The following NFIA variants were observed in gnomAD, a reference collection of about 807,000 sequenced individuals.
NFIA encodes nuclear factor I A, also known as nuclear factor 1 A-type.
A neutral mutation model predicts 62.8 loss-of-function variants in NFIA; 8 were observed. That is an observed-to-expected ratio of 0.13 (90% confidence interval 0.07 to 0.23). The LOEUF (loss-of-function observed/expected upper bound fraction) is 0.23. Among genes scored for constraint, NFIA ranks in the 10% least tolerant of loss-of-function variants. The pLI, the probability that NFIA is intolerant of heterozygous loss-of-function variation, is 1.00. For missense variants in NFIA, 410 were observed against 642.1 expected, an observed-to-expected ratio of 0.64 and a Z score of 3.91; for synonymous variants, 235 against 238.1, an observed-to-expected ratio of 0.99 and a Z score of 0.12.
intron 2 of NFIA, among the ~76,000 whole-genome samples, chr1:61,263,832 A>C (rs796712361): frequency 1.3e-5 from 2 of 152,230 alleles, no homozygotes; most frequent in African/African-American, 4.8e-5. Context: ...TCTACTAAAA[A>C]TACAAAAATT....
intron 3 of NFIA, among the ~76,000 whole-genome samples, chr1:61,311,351 A>G (rs969187836): frequency 6.6e-6 from 1 of 152,116 alleles, no homozygotes; most frequent in Non-Finnish European, 1.5e-5. Flanking sequence ...AGATCGCGAC[A>G]TTGCACTCCA....
At chr1:61,290,695 G>A (rs1256870096) in intron 3 of NFIA, among the ~76,000 whole-genome samples, 4 of 152,198 alleles carry the variant, frequency 2.6e-5, no homozygotes, top group Non-Finnish European at 5.9e-5. Context: ...AGTGCAGAAC[G>A]TCTATGTCCT....
At chr1:61,082,161 G>A (rs1646106181), upstream of NFIA, 3 of 469,524 alleles carry the variant, frequency 6.4e-6, no homozygotes, top group Admixed American at 4.0e-5. Context: ...GACTGTAACT[G>A]CTCCTCACTG....
intron 2 of NFIA, among the ~76,000 whole-genome samples, chr1:61,165,204 T>A (rs558335476): frequency 1.3e-5 from 2 of 152,178 alleles, no homozygotes; most frequent in Non-Finnish European, 2.9e-5. Context: ...CTCTATTTTT[T>A]AAAAATGATG....
At chr1:61,215,554 C>T (rs1653560382) in intron 2 of NFIA, among the ~76,000 whole-genome samples, 1 of 152,072 alleles carries the variant, frequency 6.6e-6, no homozygotes, top group South Asian at 2.1e-4. Flanking sequence ...ATGTAAGGTT[C>T]TTTCCACTGA....
chr1:61,192,401 T>C (rs1206598340), intron 2 of NFIA, among the ~76,000 whole-genome samples: 1 of 152,128 alleles, frequency 6.6e-6, no homozygotes, highest in Non-Finnish European at 1.5e-5. Flanking sequence ...TTTTGGAGGT[T>C]TAAAATGTCA....
intron 2 of NFIA, among the ~76,000 whole-genome samples, chr1:61,199,944 G>A (rs1463619536): frequency 6.8e-6 from 1 of 146,604 alleles, no homozygotes; most frequent in Admixed American, 7.0e-5. Flanking sequence ...GCAGTTAGCT[G>A]AAATTGCATC....
intron 2 of NFIA, among the ~76,000 whole-genome samples, chr1:61,213,839 G>A (rs918298682): frequency 2.0e-5 from 3 of 152,034 alleles, no homozygotes; most frequent in East Asian, 1.9e-4. Context: ...GATCATGCCC[G>A]CCACCACCCT....
At chr1:61,358,654 C>T (rs1244093141) in intron 5 of NFIA, among the ~76,000 whole-genome samples, 1 of 152,122 alleles carries the variant, frequency 6.6e-6, no homozygotes, top group Non-Finnish European at 1.5e-5. Context: ...TCCCAAAGTC[C>T]TGGGATTACA....
rs79994345 is a variant in NFIA at position 61,462,643 on chromosome 1, A to C, written c.*7323A>C. The C allele has an allele frequency of 1.3e-5, 2 of 152,282 alleles. No homozygotes were observed. Among genetic ancestry groups the C allele is most frequent in the Non-Finnish European group, 2.9e-5 (2 of 68,024 alleles). 9.4% of individuals were successfully genotyped at this position (152,282 alleles called of 1,614,324 possible). ...CATTCTTATTCAACTAAATCTCCAC[A>C]GGTTTTTTGAGCTGGTGTGGATTAG... is the stretch of plus-strand genomic sequence containing the variant. On this transcript the variant is annotated 3_prime_UTR_variant, in exon 11 of 11. Coordinates refer to ENST00000403491, the MANE Select transcript of NFIA (RefSeq NM_001134673.4).
intron 2 of NFIA, among the ~76,000 whole-genome samples, chr1:61,195,720 T>C (rs911137595): frequency 6.6e-6 from 1 of 152,212 alleles, no homozygotes; most frequent in African/African-American, 2.4e-5. Context: ...ATTTACCATT[T>C]TGTGAAAAAC....
chr1:61,186,972 C>G (rs1446668425), intron 2 of NFIA, among the ~76,000 whole-genome samples: 1 of 152,144 alleles, frequency 6.6e-6, no homozygotes, highest in Non-Finnish European at 1.5e-5. Context: ...CTTTGGCATC[C>G]CAGTGGTGCT....
At chr1:61,148,124 G>A (rs576987412) in intron 2 of NFIA, among the ~76,000 whole-genome samples, 34 of 152,276 alleles carry the variant, frequency 2.2e-4, no homozygotes, top group Non-Finnish European at 3.8e-4. Flanking sequence ...CTGAGACGTT[G>A]CTAACCCATC....
chr1:61,131,152 G>T (rs964611407), intron 2 of NFIA, among the ~76,000 whole-genome samples: 1 of 149,218 alleles, frequency 6.7e-6, no homozygotes, highest in Admixed American at 6.7e-5. Context: ...AAAAAAAATA[G>T]TATGACTTTT....
At chr1:61,348,781 C>G (rs1662388600) in intron 4 of NFIA, among the ~76,000 whole-genome samples, 1 of 152,218 alleles carries the variant, frequency 6.6e-6, no homozygotes. Flanking sequence ...CCCTCACATT[C>G]ACACTTTGCT....
chr1:61,095,427 G>C lies in NFIA; in HGVS notation c.559+6747G>C, dbSNP rs1173464966. ...AGCAAGATTCAAACCCAGGTCTTCT[G>C]ATTTCAAATCTTATGCTCTTAAACA... On this transcript the variant is annotated intron_variant, in intron 2 of 10. Transcript: ENST00000403491. Among the ~76,000 whole-genome samples, 11 of 152,134 alleles carry C rather than the reference G, an allele frequency of 7.2e-5. 1 individual carries two copies.
intron 2 of NFIA, among the ~76,000 whole-genome samples, chr1:61,185,760 T>TC (rs1478830212): frequency 6.6e-6 from 1 of 151,696 alleles, no homozygotes; most frequent in East Asian, 2.0e-4. Context: ...TTTTCCCAGC[T>TC]CCTTTTGTGG....
Position 61,088,078 on chromosome 1 carries a change from A to T in NFIA, c.28-71A>T. ...AATGAGGAATTTCTTTCTTAAGGTG[A>T]CCCGCTGAAGAAAAGTTGTTTTCTT... is the stretch of plus-strand genomic sequence containing the variant. On this transcript the variant is annotated intron_variant, in intron 1 of 10. Transcript: ENST00000403491. This position sits in a 1 kb window ranked among gnomAD's most constrained non-coding sequence, Gnocchi z 4.5. 7.0e-7 allele frequency: 1 copy of T among 1,421,344 alleles called. No homozygotes were observed. The highest frequency in any genetic ancestry group is 9.5e-7 in the Non-Finnish European group (1 of 1,048,460). 88.0% of individuals were successfully genotyped at this position (1,421,344 alleles called of 1,614,324 possible).
chr1:61,255,374 CTT>C (rs1465054155), intron 2 of NFIA, among the ~76,000 whole-genome samples: 2 of 152,202 alleles, frequency 1.3e-5, no homozygotes, highest in African/African-American at 4.8e-5. Context: ...CAGTGATTCT[CTT>C]GGTGTAAAAC....
Sources: allele counts gnomAD v4.1 joint callset (sites outside exome capture counted in the v4.1 genomes callset), GRCh38; gene constraint gnomAD v4.1.1; non-coding constraint Gnocchi (gnomAD v3.1); transcripts MANE v1.5; gene names NCBI Gene and HGNC (gene_info 2026-07-23, HGNC 2026-07-21).